Variants in KIRREL3 observed in about 807,000 individuals in gnomAD.
KIRREL3 encodes the protein kirre like nephrin family adhesion molecule 3.
A neutral mutation model predicts 89.7 loss-of-function variants in KIRREL3; 36 were observed. The ratio of observed to expected loss-of-function variants is 0.40; its 90% confidence interval spans 0.31 to 0.53. KIRREL3 has a LOEUF of 0.53. KIRREL3 is among the 20% of genes least tolerant of loss of function. The pLI is 0.49. For missense variants in KIRREL3, 864 were observed against 1,056.6 expected (o/e 0.82, Z 2.53); for synonymous variants, 445 against 441.4 (o/e 1.01, Z -0.10).
At position 126,703,517 on chromosome 11, in the gene KIRREL3, A is replaced by G. The variant is rs1947394477; in HGVS notation, c.56-140605T>C. 6.6e-6 allele frequency among the ~76,000 whole-genome samples: 1 copy of G among 152,350 alleles called. No homozygotes were observed. Among genetic ancestry groups the G allele is most frequent in the East Asian group, 1.9e-4 (1 of 5,190 alleles). On this transcript the variant is annotated intron_variant, in intron 1 of 16. Transcript: ENST00000525144. The surrounding 1 kb of genome is among the most constrained non-coding windows in gnomAD (Gnocchi z 4.6). ...TACTGTTATATCTCATCCCCATTTT[A>G]TAAGTGAGAACACTGAGGCCAAAGG...
rs1297703401 is a variant in KIRREL3, at chr11:126,705,039, C to A, written c.56-142127G>T. On this transcript the variant is annotated intron_variant, in intron 1 of 16. Coordinates refer to ENST00000525144, the MANE Select transcript of KIRREL3 (RefSeq NM_032531.4). This position sits in a 1 kb window ranked among gnomAD's most constrained non-coding sequence, Gnocchi z 4.3. ...TGTGGGTGGTAAATTTATATCTTAC[C>A]CACTGAATATAGCTTTTTATGGCTC... Among the ~76,000 whole-genome samples, 1 of 152,056 alleles carries A rather than the reference C, an allele frequency of 6.6e-6. No individual in the cohort carries two copies. Among genetic ancestry groups the A allele is most frequent in the Non-Finnish European group, 1.5e-5 (1 of 68,020 alleles).
chr11:126,843,585 C>T lies in KIRREL3; in HGVS notation c.55+156870G>A, dbSNP rs1267300162. Among the ~76,000 whole-genome samples, 3 of 152,032 alleles carry T rather than the reference C, an allele frequency of 2.0e-5. No individual in the cohort carries two copies. The highest frequency in any genetic ancestry group is 6.6e-5 in the Admixed American group (1 of 15,262). ...AGTCCCGACGGCTAGTGAGTGGGAC[C>T]GTCAGAGGTGTTTGAACCAGAGCAA... On this transcript the variant is annotated intron_variant, in intron 1 of 16. Coordinates refer to ENST00000525144, the MANE Select transcript of KIRREL3 (RefSeq NM_032531.4). The surrounding 1 kb of genome is among the most constrained non-coding windows in gnomAD (Gnocchi z 4.6).
intron 1 of KIRREL3, among the ~76,000 whole-genome samples, chr11:126,839,818 A>T (rs1456175594): frequency 2.0e-5 from 3 of 152,248 alleles, no homozygotes; most frequent in Non-Finnish European, 4.4e-5. Flanking sequence ...GCTCCTGCAA[A>T]TTTAGGTAAA....
At chr11:126,911,665 G>GC (rs1417731512) in intron 1 of KIRREL3, among the ~76,000 whole-genome samples, 1 of 152,114 alleles carries the variant, frequency 6.6e-6, no homozygotes, top group Admixed American at 6.5e-5. Context: ...CCTCTTCTGG[G>GC]CCCCAGCAGA....
Position 126,697,341 on chromosome 11 carries a change from C to G in KIRREL3, c.56-134429G>C, listed in dbSNP as rs568917309. Among the ~76,000 whole-genome samples, 1 of 152,330 alleles carries G rather than the reference C, an allele frequency of 6.6e-6. No individual in the cohort carries two copies. Among genetic ancestry groups the G allele is most frequent in the Non-Finnish European group, 1.5e-5 (1 of 68,020 alleles). On this transcript the variant is annotated intron_variant, in intron 1 of 16. Transcript: ENST00000525144. This position sits in a 1 kb window ranked among gnomAD's most constrained non-coding sequence, Gnocchi z 4.2. ...GCCGGCTCACTGCACAGGGTGGGCA[C>G]TTAGTCCCTGACTTGGACAAGCCAC...
chr11:126,794,703 C>T (rs553877895), intron 1 of KIRREL3, among the ~76,000 whole-genome samples: 18 of 152,270 alleles, frequency 1.2e-4, no homozygotes, highest in Admixed American at 3.3e-4. Flanking sequence ...TCTTACAAAA[C>T]GAAACAGAGT....
chr11:126,456,520 A>G (rs1956350872), intron 6 of KIRREL3, 66 bp from the exon 7 acceptor site: 1 of 1,091,042 alleles, frequency 9.2e-7, no homozygotes. Flanking sequence ...CCTGGGCGAC[A>G]TGGAGGATAC....
Position 126,655,666 on chromosome 11 carries a change from G to A in KIRREL3, c.56-92754C>T, listed in dbSNP as rs1442858433. Among the ~76,000 whole-genome samples the A allele has an allele frequency of 6.6e-6, 1 of 152,162 alleles. No individual in the cohort carries two copies. Among genetic ancestry groups the A allele is most frequent in the Non-Finnish European group, 1.5e-5 (1 of 68,032 alleles). ...GGAGCAGTGTGTGCCCGTCCACCCT[G>A]GGAGAGGCTTATGAAGGCTGTGTCT... On this transcript the variant is annotated intron_variant, in intron 1 of 16. Transcript: ENST00000525144. The surrounding 1 kb of genome is among the most constrained non-coding windows in gnomAD (Gnocchi z 5.0).
rs1462193686 is a variant in KIRREL3, at chr11:126,573,126, C to T, written c.56-10214G>A. ...CCCCTCCACATTCTGGGTGGAAAAGCGGCACAGGAGGGAGGCCAGGGGACA... is the reference window on the plus strand; with the variant it reads ...CCCCTCCACATTCTGGGTGGAAAAGTGGCACAGGAGGGAGGCCAGGGGACA... On this transcript the variant is annotated intron_variant, in intron 1 of 16. Coordinates refer to ENST00000525144, the MANE Select transcript of KIRREL3 (RefSeq NM_032531.4). Among the ~76,000 whole-genome samples the T allele has an allele frequency of 3.9e-5, 6 of 152,260 alleles. No individual in the cohort carries two copies. The East Asian group carries it at 5.8e-4, about 15-fold the overall frequency.
At chr11:126,921,595 TA>T (rs367958211) in intron 1 of KIRREL3, among the ~76,000 whole-genome samples, 2 of 22,294 alleles carry the variant, frequency 9.0e-5, no homozygotes, top group African/African-American at 4.6e-4. Context: ...TCTATCTATC[TA>T]TCTATCTATC....
chr11:126,529,070 GCCCGAGC>G (rs1404791868), intron 2 of KIRREL3, among the ~76,000 whole-genome samples: 3 of 152,202 alleles, frequency 2.0e-5, no homozygotes, highest in Non-Finnish European at 4.4e-5. Context: ...ATGAAGCAGT[GCCCGAGC>G]CCTCTGAGAT....
chr11:126,617,280 G>T (rs1030042324), intron 1 of KIRREL3, among the ~76,000 whole-genome samples: 14 of 152,244 alleles, frequency 9.2e-5, no homozygotes. Context: ...CAGTTAGATG[G>T]CAGGTGGTGA....
chr11:126,493,731 C>T (rs945935110), intron 4 of KIRREL3, among the ~76,000 whole-genome samples: 3 of 151,964 alleles, frequency 2.0e-5, no homozygotes, highest in Non-Finnish European at 2.9e-5. Flanking sequence ...CCTACAGCCC[C>T]CCTCACCCAC....
chr11:126,672,802 G>T (rs929804286), intron 1 of KIRREL3, among the ~76,000 whole-genome samples: 1 of 152,148 alleles, frequency 6.6e-6, no homozygotes, highest in African/African-American at 2.4e-5. Flanking sequence ...TGTCCAGTGA[G>T]TTCCTCCCTT....
intron 1 of KIRREL3, among the ~76,000 whole-genome samples, chr11:126,822,905 C>T (rs141450740): frequency 6.6e-6 from 1 of 152,256 alleles, no homozygotes; most frequent in East Asian, 1.9e-4. Context: ...AGTGTTATAT[C>T]CACTGTATAC....
At chr11:126,854,510 G>A (rs1277889780) in intron 1 of KIRREL3, among the ~76,000 whole-genome samples, 2 of 152,126 alleles carry the variant, frequency 1.3e-5, no homozygotes, top group Non-Finnish European at 2.9e-5. Flanking sequence ...ATTTAACTTA[G>A]CATGTATTCC....
intron 1 of KIRREL3, among the ~76,000 whole-genome samples, chr11:126,753,934 G>C (rs184034060): frequency 1.3e-5 from 2 of 152,282 alleles, no homozygotes; most frequent in East Asian, 3.9e-4. Context: ...AGAAGGGAGT[G>C]TATGGTGTTG....
rs565512301 is a variant in KIRREL3, at chr11:126,574,938, C to T, written c.56-12026G>A. ...GGAACAATCATGCTTACAAGGTTTT[C>T]GGTGCACATGGGAGGTGGGGATCAG... is the stretch of plus-strand genomic sequence containing the variant. On this transcript the variant is annotated intron_variant, in intron 1 of 16. Coordinates refer to ENST00000525144, the MANE Select transcript of KIRREL3 (RefSeq NM_032531.4). The surrounding 1 kb of genome is among the most constrained non-coding windows in gnomAD (Gnocchi z 5.3). 2.6e-5 allele frequency among the ~76,000 whole-genome samples: 4 copies of T among 152,146 alleles called. No individual in the cohort carries two copies. Among genetic ancestry groups the T allele is most frequent in the Non-Finnish European group, 2.9e-5 (2 of 68,020 alleles).
Position 126,587,306 on chromosome 11 carries a change from A to G in KIRREL3, c.56-24394T>C, listed in dbSNP as rs1484804279. ...GTGTGCAAAGGCTGGGAGGTCAGAA[A>G]GAACACACTCTGCTCCGGTGATGGC... On this transcript the variant is annotated intron_variant, in intron 1 of 16. Transcript: ENST00000525144. The surrounding 1 kb of genome is among the most constrained non-coding windows in gnomAD (Gnocchi z 5.2). 1.3e-5 allele frequency among the ~76,000 whole-genome samples: 2 copies of G among 152,208 alleles called. No individual in the cohort carries two copies. The highest frequency in any genetic ancestry group is 1.3e-4 in the Admixed American group (2 of 15,292).
Sources: allele counts gnomAD v4.1 joint callset (sites outside exome capture counted in the v4.1 genomes callset), GRCh38; gene constraint gnomAD v4.1.1; non-coding constraint Gnocchi (gnomAD v3.1); transcripts MANE v1.5; gene names NCBI Gene and HGNC (gene_info 2026-07-23, HGNC 2026-07-21).